Variants in PPP6R3 observed in about 807,000 individuals in gnomAD.
The protein encoded by PPP6R3 is serine/threonine-protein phosphatase 6 regulatory subunit 3.
A neutral mutation model predicts 110.7 loss-of-function variants in PPP6R3; 38 were observed. The observed-to-expected ratio is 0.34, with a 90% confidence interval of 0.26 to 0.45. The LOEUF is 0.45. PPP6R3 is among the 20% of genes least tolerant of loss of function. The probability of loss-of-function intolerance (pLI) is 1.00; values close to 1 mark genes in which losing one functional copy is unlikely to be tolerated. For missense variants in PPP6R3, 870 were observed against 1,062.4 expected (o/e 0.82, Z 2.52); for synonymous variants, 369 against 373.5 (o/e 0.99, Z 0.14).
intron 3 of PPP6R3, among the ~76,000 whole-genome samples, chr11:68,543,637 T>C (rs1052790805): frequency 4.6e-5 from 7 of 152,200 alleles, no homozygotes; most frequent in Non-Finnish European, 1.0e-4. Context: ...TGGTTTCTTT[T>C]GTCATGCAGC....
intron 2 of PPP6R3, among the ~76,000 whole-genome samples, chr11:68,520,859 C>T (rs1391374021): frequency 6.6e-6 from 1 of 152,096 alleles, no homozygotes; most frequent in Non-Finnish European, 1.5e-5. Flanking sequence ...GCAATCTCCA[C>T]CTCCCGGGTT....
intron 1 of PPP6R3, among the ~76,000 whole-genome samples, chr11:68,497,456 G>T (rs2099024441): frequency 6.6e-6 from 1 of 151,420 alleles, no homozygotes; most frequent in African/African-American, 2.4e-5. Context: ...GGGCTCAGGT[G>T]ATCTTCCCAC....
intron 10 of PPP6R3, among the ~76,000 whole-genome samples, chr11:68,569,135 A>G (rs965843369): frequency 6.6e-6 from 1 of 152,210 alleles, no homozygotes; most frequent in Non-Finnish European, 1.5e-5. Flanking sequence ...AAGAGAAAAA[A>G]GATACTCCCT....
intron 1 of PPP6R3, among the ~76,000 whole-genome samples, chr11:68,492,162 T>C (rs2098988241): frequency 6.6e-6 from 1 of 152,196 alleles, no homozygotes; most frequent in South Asian, 2.1e-4. Context: ...CCTTTCTTTT[T>C]TTATTTTTAA....
chr11:68,505,505 T>G (rs59056571), intron 1 of PPP6R3, among the ~76,000 whole-genome samples: 35,079 of 151,538 alleles, frequency 0.23, 4,292 homozygotes, highest in Middle Eastern at 0.32. Context: ...TTTAGAGAGA[T>G]AGGGTCTTGG....
At chr11:68,518,532 C>T (rs534885283) in intron 1 of PPP6R3, among the ~76,000 whole-genome samples, 1 of 152,096 alleles carries the variant, frequency 6.6e-6, no homozygotes, top group Non-Finnish European at 1.5e-5. Context: ...TCTAAGGACT[C>T]CAGCAGCACA....
chr11:68,582,750 A>T (rs2099564664), intron 14 of PPP6R3, among the ~76,000 whole-genome samples: 1 of 152,248 alleles, frequency 6.6e-6, no homozygotes, highest in Non-Finnish European at 1.5e-5. Context: ...GGAGGTGATT[A>T]TCAAAATCAC....
intron 11 of PPP6R3, among the ~76,000 whole-genome samples, chr11:68,570,808 C>G (rs938529890): frequency 6.6e-6 from 1 of 152,132 alleles, no homozygotes; most frequent in African/African-American, 2.4e-5. Flanking sequence ...ACTGCACTAC[C>G]TATAATACTG....
rs555752290 is a variant in PPP6R3 at position 68,578,954 on chromosome 11, T to C, written c.1545+2911T>C. On this transcript the variant is annotated intron_variant, in intron 14 of 23. Transcript: ENST00000393800. ...TTAGGTAGAGTGAATTTAGAGAACA[T>C]AGGACATGTTTTTGTACTGACTTTG... Among the ~76,000 whole-genome samples the C allele has an allele frequency of 1.1e-4, 17 of 152,338 alleles. No individual in the cohort carries two copies. In the South Asian group the frequency reaches 2.5e-3, roughly 22 times the overall value.
chr11:68,579,718 A>G (rs1031964357), intron 14 of PPP6R3, among the ~76,000 whole-genome samples: 1 of 152,256 alleles, frequency 6.6e-6, no homozygotes, highest in Admixed American at 6.5e-5. Context: ...TAGACCGCAT[A>G]TATGACAGTA....
chr11:68,599,901 T>A lies in PPP6R3; in HGVS notation c.2039-440T>A, dbSNP rs368646651. On this transcript the variant is annotated intron_variant, in intron 19 of 23. Transcript: ENST00000393800. ...CACTTTGGGAGGCCAAGGCGGGCGG[T>A]TCACGAGGTCGGGATATTGAGACCA... is the stretch of plus-strand genomic sequence containing the variant. Among the ~76,000 whole-genome samples the A allele has an allele frequency of 1.2e-3, 188 of 152,202 alleles. 2 individuals carry two copies. The South Asian group carries it at 0.021, about 17-fold the overall frequency.
At chr11:68,544,744 TCACAAAA>T in intron 3 of PPP6R3, 87 bp from the exon 4 acceptor site, 2 of 843,440 alleles carry the variant, frequency 2.4e-6, no homozygotes, top group Admixed American at 3.2e-5. Context: ...TTTATTTTTT[TCACAAAA>T]TCTTGGGAAG....
At chr11:68,500,643 A>C (rs769180252) in intron 1 of PPP6R3, among the ~76,000 whole-genome samples, 3 of 152,040 alleles carry the variant, frequency 2.0e-5, no homozygotes, top group Non-Finnish European at 1.5e-5. Context: ...ACGCCCGGCT[A>C]ATTTTTGTAT....
At chr11:68,462,759 C>G (rs1449878599) in intron 1 of PPP6R3, among the ~76,000 whole-genome samples, 1 of 152,184 alleles carries the variant, frequency 6.6e-6, no homozygotes, top group Admixed American at 6.5e-5. Flanking sequence ...ATACTCTCCT[C>G]CATGGTGCTC....
intron 2 of PPP6R3, among the ~76,000 whole-genome samples, chr11:68,526,253 AT>A (rs956543918): frequency 7.4e-4 from 106 of 142,402 alleles, no homozygotes; most frequent in Admixed American, 6.3e-4. Context: ...TTTGACTTAC[AT>A]TTTTTTTTTT....
intron 6 of PPP6R3, 126 bp from the exon 7 acceptor site, chr11:68,554,019 T>G: frequency 1.5e-6 from 1 of 676,582 alleles, no homozygotes. Flanking sequence ...GCCTTGACCT[T>G]TTGCGCACTG....
intron 12 of PPP6R3, among the ~76,000 whole-genome samples, chr11:68,573,155 A>ATATATATATAAT (rs1565936429): frequency 1.4e-4 from 4 of 29,568 alleles, no homozygotes; most frequent in Non-Finnish European, 1.9e-4. Context: ...TATATATATA[A>ATATATATATAAT]TTTTTTTTTT....
At chr11:68,569,967 G>T in intron 11 of PPP6R3, 70 bp downstream of exon 11, 1 of 1,412,840 alleles carries the variant, frequency 7.1e-7, no homozygotes. Context: ...TGACTGTGAT[G>T]TGAATTGAGG....
At chr11:68,572,403 G>GT (rs1451100385) in intron 12 of PPP6R3, among the ~76,000 whole-genome samples, 2 of 152,202 alleles carry the variant, frequency 1.3e-5, no homozygotes, top group African/African-American at 4.8e-5. Context: ...GCCTGAAGCA[G>GT]TTTGAAGCTG....
Sources: gnomAD v4.1 joint callset for allele counts (sites outside exome capture counted in the v4.1 genomes callset) on GRCh38, gnomAD v4.1.1 for gene constraint, MANE v1.5 for transcripts, NCBI Gene and HGNC (gene_info 2026-07-23, HGNC 2026-07-21) for gene names.